SLC1A7: variants seen among roughly 807,000 people sequenced by gnomAD.
SLC1A7 encodes solute carrier family 1 member 7.
In SLC1A7, 40 loss-of-function variants were observed where a neutral mutation model predicts 47.7. The observed-to-expected ratio is 0.84, with a 90% CI of 0.65 to 1.09. The LOEUF is 1.09. SLC1A7 is among the 50% of genes least tolerant of loss of function. The probability of loss-of-function intolerance (pLI) is 0.00; values close to 1 mark genes in which losing one functional copy is unlikely to be tolerated. For synonymous variants in SLC1A7, 323 were observed against 325.6 expected, an observed-to-expected ratio of 0.99 and a Z score of 0.09; for missense variants, 746 against 769.5, an observed-to-expected ratio of 0.97 and a Z score of 0.36.
intron 1 of SLC1A7, among the ~76,000 whole-genome samples, chr1:53,134,905 T>C (rs1644976044): frequency 6.6e-6 from 1 of 152,160 alleles, no homozygotes; most frequent in Non-Finnish European, 1.5e-5. Flanking sequence ...GAATATACTG[T>C]AATAAAAGTT....
Position 53,101,861 on chromosome 1 carries a change from T to G in SLC1A7, c.697+1485A>C, listed in dbSNP as rs201060823. ...CACTCAGTACACTCACACGCCCGCC[T>G]CGGTACACTCACACTCTTTGTCTTG... is the stretch of plus-strand genomic sequence containing the variant. On this transcript the variant is annotated intron_variant, in intron 5 of 10. Transcript: ENST00000371494. Among the ~76,000 whole-genome samples the G allele has an allele frequency of 9.4e-5, 14 of 148,736 alleles. No individual in the cohort carries two copies. The East Asian group carries it at 2.8e-3, about 30-fold the overall frequency.
chr1:53,098,673 T>G (rs1039677141), intron 5 of SLC1A7, among the ~76,000 whole-genome samples: 1 of 148,670 alleles, frequency 6.7e-6, no homozygotes, highest in African/African-American at 2.5e-5. Flanking sequence ...TCTGCCTGAG[T>G]ACACTCATAC....
chr1:53,120,178 G>A (rs911445591), intron 2 of SLC1A7, among the ~76,000 whole-genome samples: 38 of 152,178 alleles, frequency 2.5e-4, no homozygotes, highest in South Asian at 4.1e-4. Flanking sequence ...CCAGGCTCCC[G>A]GTGGAAGGAG....
chr1:53,110,945 G>A (rs375334114), intron 3 of SLC1A7, among the ~76,000 whole-genome samples: 367 of 152,178 alleles, frequency 2.4e-3, no homozygotes, highest in Non-Finnish European at 4.4e-3. Flanking sequence ...TAAACCCCAC[G>A]TGTGCATTCA....
rs759398492 is a variant in SLC1A7, at chr1:53,088,931, C to T, written c.1410G>A (p.Ala470=). ...TCCGACATATATGGGCCATGATCCC[C>T]GCTGCCAGCGCATCACCCAGCACGT... ...MINVLGDALA[A]GIMAHICRKD... The change falls in exon 10 of 11, where the codon GCG becomes GCA. Residue 470 remains alanine (A), a synonymous_variant. Coordinates refer to ENST00000371494, the MANE Select transcript of SLC1A7 (RefSeq NM_006671.6). The T allele has an allele frequency of 1.4e-5, 22 of 1,614,014 alleles. No homozygotes were observed. The highest frequency in any genetic ancestry group is 8.3e-5 in the Admixed American group (5 of 60,016).
chr1:53,104,634 T>A (rs770779651), intron 4 of SLC1A7, among the ~76,000 whole-genome samples: 26 of 152,166 alleles, frequency 1.7e-4, no homozygotes, highest in Non-Finnish European at 1.5e-5. Context: ...TCAGTCCCCT[T>A]CACAATCTGG....
intron 4 of SLC1A7, among the ~76,000 whole-genome samples, chr1:53,104,674 G>A (rs1430928142): frequency 6.6e-6 from 1 of 152,166 alleles, no homozygotes; most frequent in Non-Finnish European, 1.5e-5. Flanking sequence ...GAGAGACGCG[G>A]CGATATGCCA....
At chr1:53,103,135 G>A (rs1239385803) in intron 5 of SLC1A7, 2 of 511,372 alleles carry the variant, frequency 3.9e-6, no homozygotes, top group East Asian at 3.3e-5. Flanking sequence ...GGCCCAGACG[G>A]GCCTGAGGGG....
At chr1:53,124,819 T>C (rs955321207) in intron 2 of SLC1A7, among the ~76,000 whole-genome samples, 1 of 152,210 alleles carries the variant, frequency 6.6e-6, no homozygotes, top group Non-Finnish European at 1.5e-5. Flanking sequence ...AAGTGCCTTG[T>C]GACAGGCAAA....
intron 1 of SLC1A7, among the ~76,000 whole-genome samples, 200 bp downstream of exon 1, chr1:53,142,115 C>T (rs765687721): frequency 6.6e-6 from 1 of 152,234 alleles, no homozygotes; most frequent in Non-Finnish European, 1.5e-5. Flanking sequence ...TCCCCAGCCA[C>T]ATCACTGGTT....
intron 2 of SLC1A7, among the ~76,000 whole-genome samples, chr1:53,117,187 G>A (rs1221248762): frequency 6.6e-6 from 1 of 152,200 alleles, no homozygotes; most frequent in Non-Finnish European, 1.5e-5. Context: ...ACAGTGGAAG[G>A]CAGAAGGGAG....
intron 5 of SLC1A7, among the ~76,000 whole-genome samples, chr1:53,094,308 C>G (rs1315568962): frequency 6.6e-6 from 1 of 152,194 alleles, no homozygotes. Flanking sequence ...GCCTTCCTCC[C>G]CAGCTCGCAC....
In SLC1A7 at chr1:53,142,414, G is replaced by A. The variant is rs558157079; in HGVS notation, c.36C>T (p.Asp12=). ...VPHAILARGR[D]VCRRNGLLIL... is the part of the protein sequence containing the mutation. ...TGAGGAGTCCATTCCGCCTGCACAC[G>A]TCCCTCCCCCGTGCCAAGATGGCAT... The change falls in exon 1 of 11, where the codon GAC becomes GAT. Residue 12 remains aspartate (D), a synonymous_variant. Transcript: ENST00000371494. 17 of 1,612,000 alleles carry A rather than the reference G, an allele frequency of 1.1e-5. No homozygotes were observed. The highest frequency in any genetic ancestry group is 1.3e-5 in the African/African-American group (1 of 74,976).
intron 2 of SLC1A7, among the ~76,000 whole-genome samples, chr1:53,124,151 G>T (rs766623417): frequency 1.4e-4 from 22 of 152,154 alleles, no homozygotes; most frequent in Admixed American, 6.5e-4. Context: ...AGGGGAGAAG[G>T]GAGTGTTGAG....
chr1:53,129,668 C>T (rs554447173), intron 2 of SLC1A7, among the ~76,000 whole-genome samples: 1 of 142,332 alleles, frequency 7.0e-6, no homozygotes, highest in South Asian at 2.2e-4. Context: ...GGCCTCCTTT[C>T]TCCAGAGCAA....
At chr1:53,091,515 T>G (rs1271652698) in intron 7 of SLC1A7, among the ~76,000 whole-genome samples, 1 of 152,154 alleles carries the variant, frequency 6.6e-6, no homozygotes, top group African/African-American at 2.4e-5. Flanking sequence ...GCCCCTGGCA[T>G]GGGAGCTGGC....
At chr1:53,102,234 T>G (rs1644591603) in intron 5 of SLC1A7, 1 of 152,308 alleles carries the variant, frequency 6.6e-6, no homozygotes. Context: ...CATTACCCAT[T>G]GTCACCCAGC....
At position 53,094,405 on chromosome 1, in the gene SLC1A7, C is replaced by A. The variant is rs1464787827; in HGVS notation, c.698-845G>T. 2.6e-5 allele frequency among the ~76,000 whole-genome samples: 4 copies of A among 152,120 alleles called. No homozygotes were observed. The East Asian group carries it at 7.7e-4, about 29-fold the overall frequency. On this transcript the variant is annotated intron_variant, in intron 5 of 10. Coordinates refer to ENST00000371494, the MANE Select transcript of SLC1A7 (RefSeq NM_006671.6). ...AAACAGGGACTGAGTGGCTGCCCTA[C>A]CTCCTGGTGAGACCGACGTGGGGAG... is the stretch of plus-strand genomic sequence containing the variant.
intron 2 of SLC1A7, among the ~76,000 whole-genome samples, chr1:53,123,392 C>T (rs568951612): frequency 3.9e-5 from 6 of 152,316 alleles, no homozygotes; most frequent in South Asian, 2.1e-4. Flanking sequence ...CAGAGAAGGG[C>T]GGCAGCACAG....
Sources: gnomAD v4.1 joint callset for allele counts (sites outside exome capture counted in the v4.1 genomes callset) on GRCh38, gnomAD v4.1.1 for gene constraint, MANE v1.5 for transcripts, NCBI Gene and HGNC (gene_info 2026-07-23, HGNC 2026-07-21) for gene names.